The following MPDZ variants were observed in gnomAD, a reference collection of about 807,000 sequenced individuals.
MPDZ encodes multiple PDZ domain crumbs cell polarity complex component.
Under a neutral mutation model 239.1 loss-of-function variants are expected in MPDZ, and 234 were observed. The observed-to-expected ratio is 0.98, with a 90% CI of 0.88 to 1.09. The LOEUF (loss-of-function observed/expected upper bound fraction) is 1.09. Among genes scored for constraint, MPDZ ranks in the 50% least tolerant of loss-of-function variants. MPDZ has a pLI of 0.00. For missense variants in MPDZ, 3,175 were observed against 2,510.0 expected, an observed-to-expected ratio of 1.26 and a Z score of -5.66; for synonymous variants, 1,048 against 881.3, an observed-to-expected ratio of 1.19 and a Z score of -3.35.
At chr9:13,210,842 T>C (rs1446697955) in intron 10 of MPDZ, among the ~76,000 whole-genome samples, 2 of 152,090 alleles carry the variant, frequency 1.3e-5, no homozygotes, top group Admixed American at 1.3e-4. Context: ...ATACCTCCAC[T>C]GGAATCTTCC....
At chr9:13,226,385 C>T (rs922760407) in intron 3 of MPDZ, among the ~76,000 whole-genome samples, 8 of 152,066 alleles carry the variant, frequency 5.3e-5, no homozygotes, top group Non-Finnish European at 5.9e-5. Flanking sequence ...TCTGTAACTA[C>T]TTATCAGAAA....
At chr9:13,251,808 A>G (rs969141316) in intron 1 of MPDZ, among the ~76,000 whole-genome samples, 5 of 152,340 alleles carry the variant, frequency 3.3e-5, no homozygotes, top group Admixed American at 2.0e-4. Flanking sequence ...TATTTGAAAC[A>G]TCAACTCCAT....
chr9:13,180,986 T>C (rs1252069061), intron 19 of MPDZ, among the ~76,000 whole-genome samples: 1 of 152,196 alleles, frequency 6.6e-6, no homozygotes, highest in Admixed American at 6.6e-5. Flanking sequence ...CCTCCCTCTA[T>C]GAAGAGTCTG....
Position 13,193,266 on chromosome 9 carries a change from G to A in MPDZ, c.1704C>T (p.Ser568=). 1 of 1,611,946 alleles carries A rather than the reference G, an allele frequency of 6.2e-7. No individual in the cohort carries two copies. The highest frequency in any genetic ancestry group is 8.5e-7 in the Non-Finnish European group (1 of 1,178,744). The change falls in exon 14 of 47, where the codon AGC becomes AGT. Residue 568 remains serine, a synonymous_variant. Coordinates refer to ENST00000319217, the MANE Select transcript of MPDZ (RefSeq NM_001378778.1). ...KFSENSGLGI[S]LEATVGHHFI... ...AATGATGTCCCACTGTCGCTTCCAGGCTTATCCCCAATCCACTGTTCTCAC... is the reference window on the plus strand; with the variant it reads ...AATGATGTCCCACTGTCGCTTCCAGACTTATCCCCAATCCACTGTTCTCAC...
At chr9:13,127,049 C>G (rs2131840959) in intron 32 of MPDZ, among the ~76,000 whole-genome samples, 1 of 152,314 alleles carries the variant, frequency 6.6e-6, no homozygotes, top group Non-Finnish European at 1.5e-5. Context: ...ATCTAGACAG[C>G]AAAAATACAT....
At chr9:13,211,112 C>G (rs115086053) in intron 10 of MPDZ, among the ~76,000 whole-genome samples, 73 of 152,142 alleles carry the variant, frequency 4.8e-4, no homozygotes, top group African/African-American at 1.7e-3. Flanking sequence ...CCAGGGGGTT[C>G]ATTTGAAATT....
At chr9:13,254,323 A>G (rs1968874504) in intron 1 of MPDZ, among the ~76,000 whole-genome samples, 1 of 152,216 alleles carries the variant, frequency 6.6e-6, no homozygotes, top group African/African-American at 2.4e-5. Context: ...ATCTTTAAAC[A>G]AATCACTTTT....
At chr9:13,136,623 G>T in intron 30 of MPDZ, 89 bp downstream of exon 30, 1 of 916,638 alleles carries the variant, frequency 1.1e-6, no homozygotes, top group Non-Finnish European at 1.7e-6. Flanking sequence ...AGCATGCCCG[G>T]CTACAAATGT....
intron 3 of MPDZ, among the ~76,000 whole-genome samples, chr9:13,239,769 G>A (rs1299657353): frequency 6.6e-6 from 1 of 152,064 alleles, no homozygotes; most frequent in Admixed American, 6.5e-5. Context: ...GTGGTAAATG[G>A]ATGTCAAGCA....
chr9:13,201,616 C>A (rs2135496894), intron 12 of MPDZ, among the ~76,000 whole-genome samples: 1 of 151,974 alleles, frequency 6.6e-6, no homozygotes, highest in Admixed American at 6.6e-5. Context: ...CTTTTAAATT[C>A]TTTTTTCTTT....
At chr9:13,265,169 T>G (rs548849816) in intron 1 of MPDZ, among the ~76,000 whole-genome samples, 1 of 152,316 alleles carries the variant, frequency 6.6e-6, no homozygotes, top group Admixed American at 6.5e-5. Context: ...TTCAGTGCAG[T>G]TCCTACACTG....
chr9:13,243,379 T>A (rs193185833), intron 3 of MPDZ, among the ~76,000 whole-genome samples: 2 of 151,986 alleles, frequency 1.3e-5, no homozygotes, highest in East Asian at 3.9e-4. Flanking sequence ...TTTTTTTTGC[T>A]TTGCTTCTAG....
intron 29 of MPDZ, 71 bp from the exon 30 acceptor site, chr9:13,136,874 T>A: frequency 1.3e-6 from 1 of 792,494 alleles, no homozygotes; most frequent in Non-Finnish European, 2.0e-6. Context: ...CCTTCCTCAT[T>A]AATGAAAAGC....
At chr9:13,114,281 A>C (rs1265560932) in intron 40 of MPDZ, among the ~76,000 whole-genome samples, 1 of 152,218 alleles carries the variant, frequency 6.6e-6, no homozygotes, top group African/African-American at 2.4e-5. Context: ...GGATAGTCAT[A>C]ATCTCATTCA....
At chr9:13,175,990 T>G in intron 20 of MPDZ, 115 bp from the exon 21 acceptor site, 1 of 1,426,830 alleles carries the variant, frequency 7.0e-7, no homozygotes, top group Non-Finnish European at 9.3e-7. Flanking sequence ...TGCAAGAACC[T>G]GCAACCAAAA....
chr9:13,230,468 G>C (rs1344349636), intron 3 of MPDZ, among the ~76,000 whole-genome samples: 1 of 152,044 alleles, frequency 6.6e-6, no homozygotes, highest in Admixed American at 6.6e-5. Flanking sequence ...ATTAATATAT[G>C]CAACTTCAAG....
chr9:13,187,934 G>A (rs182965671), intron 17 of MPDZ, among the ~76,000 whole-genome samples: 1 of 152,170 alleles, frequency 6.6e-6, no homozygotes, highest in Admixed American at 6.6e-5. Flanking sequence ...AGTAATTTAT[G>A]ATTTGGGAGC....
intron 2 of MPDZ, among the ~76,000 whole-genome samples, chr9:13,248,454 A>C (rs892306407): frequency 6.6e-6 from 1 of 152,114 alleles, no homozygotes; most frequent in Non-Finnish European, 1.5e-5. Context: ...ACTATGTCCT[A>C]CTAGTCCTAG....
chr9:13,165,095 G>T (rs1190330871), intron 22 of MPDZ, among the ~76,000 whole-genome samples: 1 of 152,098 alleles, frequency 6.6e-6, no homozygotes, highest in Non-Finnish European at 1.5e-5. Flanking sequence ...AGACAGGATC[G>T]TTCCCTTACA....
Sources: gnomAD v4.1 joint callset for allele counts (sites outside exome capture counted in the v4.1 genomes callset) on GRCh38, gnomAD v4.1.1 for gene constraint, MANE v1.5 for transcripts, NCBI Gene and HGNC (gene_info 2026-07-23, HGNC 2026-07-21) for gene names.